IL1RAPL2: variants seen among roughly 807,000 people sequenced by gnomAD.
IL1RAPL2 encodes the protein X-linked interleukin-1 receptor accessory protein-like 2.
IL1RAPL2 carries 3 observed loss-of-function variants against 44.1 expected under a neutral mutation model. The observed-to-expected ratio is 0.07, with a 90% CI of 0.03 to 0.18. The LOEUF (loss-of-function observed/expected upper bound fraction) is 0.18. IL1RAPL2 is among the 10% of genes least tolerant of loss of function. The pLI is 1.00. For synonymous variants in IL1RAPL2, 181 were observed against 178.8 expected (o/e 1.01, Z -0.10); for missense variants, 391 against 496.4 (o/e 0.79, Z 2.02).
At chrX:104,767,690 T>G (rs1932579375) in intron 2 of IL1RAPL2, among the ~76,000 whole-genome samples, 1 of 112,187 alleles carries the variant, frequency 8.9e-6, no homozygotes, top group Admixed American at 9.5e-5. Context: ...GTACCCATAG[T>G]ACAAATTACA....
chrX:104,679,794 G>A (rs996029366), intron 2 of IL1RAPL2, among the ~76,000 whole-genome samples: 2 of 111,355 alleles, frequency 1.8e-5, no homozygotes, highest in African/African-American at 3.3e-5. Context: ...TGAGAAAGCA[G>A]GGGAATGATC....
chrX:105,221,999 A>G (rs936040667), intron 3 of IL1RAPL2, among the ~76,000 whole-genome samples: 3 of 111,372 alleles, frequency 2.7e-5, no homozygotes, highest in Non-Finnish European at 5.7e-5. Flanking sequence ...ATTTCTTCAT[A>G]ATCCCTAATC....
At chrX:105,495,250 C>A (rs2036348998) in intron 6 of IL1RAPL2, among the ~76,000 whole-genome samples, 1 of 111,930 alleles carries the variant, frequency 8.9e-6, no homozygotes, top group African/African-American at 3.2e-5. Flanking sequence ...CAATTAAGAT[C>A]AGTTAAAGCA....
rs558083706 is a variant in IL1RAPL2 at position 104,840,026 on chromosome X, G to A, written c.82+181031G>A. On this transcript the variant is annotated intron_variant, in intron 2 of 10. Coordinates refer to ENST00000372582, the MANE Select transcript of IL1RAPL2 (RefSeq NM_017416.2). Reference sequence around the variant, plus strand: ...TTTCTAACAAGCAGCTCCTGGATTCGTTGATTTTTTGGAATACTTTTTGTG... The same window carrying A: ...TTTCTAACAAGCAGCTCCTGGATTCATTGATTTTTTGGAATACTTTTTGTG... Among the ~76,000 whole-genome samples, 18 of 111,313 alleles carry A rather than the reference G, an allele frequency of 1.6e-4. No individual in the cohort carries two copies. The East Asian group carries it at 4.6e-3, about 28-fold the overall frequency.
At chrX:104,785,436 G>C (rs747971505) in intron 2 of IL1RAPL2, among the ~76,000 whole-genome samples, 2 of 111,624 alleles carry the variant, frequency 1.8e-5, no homozygotes, top group African/African-American at 3.3e-5. Context: ...TAATTTCCAG[G>C]TATAACACCC....
intron 2 of IL1RAPL2, among the ~76,000 whole-genome samples, chrX:104,982,781 A>G (rs1602868199): frequency 1.8e-5 from 2 of 111,330 alleles, no homozygotes; most frequent in East Asian, 5.7e-4. Context: ...AACTGTGTAT[A>G]CTGTAATATA....
At chrX:105,031,608 T>C (rs1398320500) in intron 2 of IL1RAPL2, among the ~76,000 whole-genome samples, 1 of 111,831 alleles carries the variant, frequency 8.9e-6, no homozygotes, top group African/African-American at 3.3e-5. Context: ...TTGAGCATGG[T>C]GTATAAGCTT....
chrX:105,308,998 G>T (rs556043246), intron 5 of IL1RAPL2, among the ~76,000 whole-genome samples: 4 of 110,703 alleles, frequency 3.6e-5, no homozygotes, highest in Non-Finnish European at 7.6e-5. Context: ...GGGAAAGAGG[G>T]TATCTCATTC....
At chrX:105,329,301 A>G (rs1384135262) in intron 5 of IL1RAPL2, among the ~76,000 whole-genome samples, 1 of 111,410 alleles carries the variant, frequency 9.0e-6, no homozygotes, top group Non-Finnish European at 1.9e-5. Flanking sequence ...AATCTTAGAG[A>G]TTATCTGGTC....
intron 6 of IL1RAPL2, among the ~76,000 whole-genome samples, chrX:105,615,792 T>C (rs2037371494): frequency 8.9e-6 from 1 of 112,035 alleles, no homozygotes; most frequent in African/African-American, 3.2e-5. Context: ...AGTAAAAAAA[T>C]AATTTAGTTG....
intron 2 of IL1RAPL2, among the ~76,000 whole-genome samples, chrX:104,956,202 G>A (rs1037190600): frequency 8.9e-6 from 1 of 111,865 alleles, no homozygotes; most frequent in Non-Finnish European, 1.9e-5. Context: ...GCAGATAAAG[G>A]GCATCCCTGG....
intron 2 of IL1RAPL2, among the ~76,000 whole-genome samples, chrX:105,073,325 G>C (rs1239147316): frequency 9.6e-6 from 1 of 104,189 alleles, no homozygotes; most frequent in African/African-American, 3.6e-5. Context: ...ATAGTTTGCT[G>C]AGAATGATGG....
At chrX:105,164,307 A>G (rs1186116543) in intron 2 of IL1RAPL2, among the ~76,000 whole-genome samples, 1 of 111,559 alleles carries the variant, frequency 9.0e-6, no homozygotes. Flanking sequence ...ATGTGTTGAG[A>G]GTGACCAATG....
At chrX:105,393,401 G>C (rs2035541220) in intron 5 of IL1RAPL2, among the ~76,000 whole-genome samples, 1 of 111,274 alleles carries the variant, frequency 9.0e-6, no homozygotes, top group Non-Finnish European at 1.9e-5. Flanking sequence ...ATTATCTACA[G>C]GAGTAATTGG....
At chrX:105,056,372 A>G (rs1376682669) in intron 2 of IL1RAPL2, among the ~76,000 whole-genome samples, 5 of 111,865 alleles carry the variant, frequency 4.5e-5, no homozygotes, top group African/African-American at 1.6e-4. Flanking sequence ...CCTGTATTGC[A>G]TTGTCTATTT....
intron 2 of IL1RAPL2, among the ~76,000 whole-genome samples, chrX:104,986,448 T>A (rs2030562657): frequency 8.9e-6 from 1 of 112,292 alleles, no homozygotes; most frequent in African/African-American, 3.2e-5. Flanking sequence ...TTCTTTCAAG[T>A]CTGAATTTTA....
At chrX:105,447,282 TATATAAATATAAATATATATATAA>T (rs2035970719) in intron 5 of IL1RAPL2, among the ~76,000 whole-genome samples, 7 of 50,455 alleles carry the variant, frequency 1.4e-4, no homozygotes, top group African/African-American at 5.0e-4. Context: ...ATATAAAATA[TATATAAATATAAATATATATATAA>T]ATATAAATAT....
At chrX:104,900,024 CAATTT>C (rs1923767775) in intron 2 of IL1RAPL2, among the ~76,000 whole-genome samples, 1 of 111,667 alleles carries the variant, frequency 9.0e-6, no homozygotes, top group Admixed American at 9.5e-5. Context: ...CCATAATACA[CAATTT>C]AATTTTAATT....
intron 2 of IL1RAPL2, among the ~76,000 whole-genome samples, chrX:104,761,917 CCTTCTCCTTCTTCTTCTTCTT>C (rs1569309883): frequency 2.1e-3 from 64 of 30,762 alleles, no homozygotes; most frequent in Non-Finnish European, 2.5e-3. Flanking sequence ...TTCTCCTTCT[CCTTCTCCTTCTTCTTCTTCTT>C]CTTCTTCTTC....
Sources: gnomAD v4.1 joint callset for allele counts (sites outside exome capture counted in the v4.1 genomes callset) on GRCh38, gnomAD v4.1.1 for gene constraint, MANE v1.5 for transcripts, NCBI Gene and HGNC (gene_info 2026-07-23, HGNC 2026-07-21) for gene names.